TENM1: variants seen among roughly 807,000 people sequenced by gnomAD.
TENM1 encodes the protein teneurin-1.
TENM1 carries 35 observed loss-of-function variants against 174.8 expected under a neutral mutation model. The observed-to-expected ratio is 0.20, with a 90% CI of 0.15 to 0.27. The LOEUF (loss-of-function observed/expected upper bound fraction) is 0.27. Among genes scored for constraint, TENM1 ranks in the 10% least tolerant of loss-of-function variants. The pLI, the probability that TENM1 is intolerant of heterozygous loss-of-function variation, is 1.00. For synonymous variants in TENM1, 781 were observed against 798.7 expected, an observed-to-expected ratio of 0.98 and a Z score of 0.37; for missense variants, 1,633 against 2,130.1, an observed-to-expected ratio of 0.77 and a Z score of 4.59.
chrX:124,472,969 A>T (rs1222675932), intron 22 of TENM1, among the ~76,000 whole-genome samples: 2 of 112,040 alleles, frequency 1.8e-5, no homozygotes, highest in African/African-American at 6.5e-5. Flanking sequence ...TAGAATCTTA[A>T]AAACAAACAT....
chrX:124,599,126 C>T (rs2049973342), intron 11 of TENM1, among the ~76,000 whole-genome samples: 1 of 111,422 alleles, frequency 9.0e-6, no homozygotes, highest in Non-Finnish European at 1.9e-5. Flanking sequence ...TGAAACACAT[C>T]CCCCAGTGGA....
At chrX:124,788,260 C>T (rs1715683016) in intron 3 of TENM1, among the ~76,000 whole-genome samples, 1 of 111,147 alleles carries the variant, frequency 9.0e-6, no homozygotes, top group African/African-American at 3.3e-5. Flanking sequence ...CAATCATCTC[C>T]CACTGGTCCC....
intron 4 of TENM1, among the ~76,000 whole-genome samples, chrX:124,722,074 A>C: frequency 8.9e-6 from 1 of 112,433 alleles, no homozygotes; most frequent in East Asian, 2.8e-4. Context: ...GATACTATTC[A>C]CTATGGTAAA....
chrX:125,114,625 A>C, the TENM1 span, among the ~76,000 whole-genome samples: 1 of 111,536 alleles, frequency 9.0e-6, no homozygotes, highest in African/African-American at 3.3e-5. Flanking sequence ...CACAAAAAAA[A>C]ACTAGAAAAT....
chrX:125,088,029 G>C, the TENM1 span, among the ~76,000 whole-genome samples: 1 of 110,839 alleles, frequency 9.0e-6, no homozygotes, highest in African/African-American at 3.3e-5. Flanking sequence ...CTTTACAATG[G>C]AGAAATCTTA....
the TENM1 span, among the ~76,000 whole-genome samples, chrX:125,003,980 G>C: frequency 9.0e-6 from 1 of 111,684 alleles, no homozygotes; most frequent in Non-Finnish European, 1.9e-5. Flanking sequence ...ATCATCTAAC[G>C]ATGGAGAAAG....
chrX:124,452,052 C>G (rs1195016853), intron 23 of TENM1, among the ~76,000 whole-genome samples: 2 of 112,191 alleles, frequency 1.8e-5, no homozygotes, highest in Non-Finnish European at 3.8e-5. Flanking sequence ...AGCTTCTGCA[C>G]AGCAAAAGAA....
chrX:124,994,524 A>G, the TENM1 span, among the ~76,000 whole-genome samples: 8 of 109,793 alleles, frequency 7.3e-5, no homozygotes, highest in Non-Finnish European at 1.3e-4. Flanking sequence ...GAAATTCATG[A>G]CCTCTGTTAC....
intron 1 of TENM1, among the ~76,000 whole-genome samples, chrX:124,908,139 T>A (rs557325870): frequency 1.8e-5 from 2 of 111,914 alleles, no homozygotes; most frequent in South Asian, 7.5e-4. Flanking sequence ...AGAAAGTAAA[T>A]CCAAACATGA....
chrX:124,398,540 T>G (rs895168867), intron 27 of TENM1, among the ~76,000 whole-genome samples: 24 of 112,300 alleles, frequency 2.1e-4, no homozygotes, highest in Non-Finnish European at 3.9e-4. Flanking sequence ...ATGGAATAAA[T>G]GTATAATTTC....
intron 3 of TENM1, among the ~76,000 whole-genome samples, chrX:124,752,632 C>T (rs1177800259): frequency 5.4e-5 from 6 of 111,752 alleles, no homozygotes; most frequent in South Asian, 3.8e-4. Context: ...TTAGGTCTAA[C>T]GTTTAAGTCT....
exon 22 of TENM1, chrX:124,481,921 A>T: frequency 4.1e-6 from 5 of 1,205,008 alleles, no homozygotes; most frequent in Non-Finnish European, 5.6e-6. Context: ...AGTGATTCAG[A>T]CACAGGGTCC....
chrX:124,622,181 C>A (rs1332768876), intron 11 of TENM1, among the ~76,000 whole-genome samples: 1 of 112,207 alleles, frequency 8.9e-6, no homozygotes, highest in Non-Finnish European at 1.9e-5. Flanking sequence ...TTACAACTCC[C>A]TTTCCTCCCA....
chrX:124,744,934 A>G (rs1192113775), intron 3 of TENM1, among the ~76,000 whole-genome samples: 1 of 112,102 alleles, frequency 8.9e-6, no homozygotes, highest in Non-Finnish European at 1.9e-5. Flanking sequence ...TTTGAAGCAC[A>G]AATCAGGAAA....
chrX:124,734,497 C>T (rs2053629391), intron 4 of TENM1, among the ~76,000 whole-genome samples: 1 of 110,657 alleles, frequency 9.0e-6, no homozygotes, highest in African/African-American at 3.3e-5. Flanking sequence ...TACAGAAACT[C>T]TATCACTAGT....
chrX:124,724,045 T>C (rs1171262069), intron 4 of TENM1, among the ~76,000 whole-genome samples: 1 of 112,346 alleles, frequency 8.9e-6, no homozygotes, highest in Non-Finnish European at 1.9e-5. Context: ...AGTAAGCAAG[T>C]AGTAGGAGAA....
At chrX:124,406,169 CTG>C (rs1299137410) in intron 26 of TENM1, 146 bp downstream of exon 29, 3 of 466,878 alleles carry the variant, frequency 6.4e-6, no homozygotes, top group East Asian at 7.7e-5. Context: ...TGAATTTTGT[CTG>C]TGTTTCAACT....
intron 6 of TENM1, among the ~76,000 whole-genome samples, 170 bp from the exon 10 acceptor site, chrX:124,653,953 C>A (rs897265185): frequency 5.4e-5 from 6 of 111,947 alleles, no homozygotes; most frequent in Non-Finnish European, 1.1e-4. Flanking sequence ...ATCTAAGAAG[C>A]CTTCCCCAAC....
At chrX:124,561,632 C>T in intron 14 of TENM1, 39 bp downstream of exon 17, 1 of 1,204,762 alleles carries the variant, frequency 8.3e-7, no homozygotes, top group Non-Finnish European at 1.1e-6. Flanking sequence ...AGAGGCTGGG[C>T]TATTCCTTTC....
Sources: gnomAD v4.1 joint callset for allele counts (sites outside exome capture counted in the v4.1 genomes callset) on GRCh38, gnomAD v4.1.1 for gene constraint, MANE v1.5 for transcripts, NCBI Gene and HGNC (gene_info 2026-07-23, HGNC 2026-07-21) for gene names.